The following ST3GAL3 variants were observed in gnomAD, a reference collection of about 807,000 sequenced individuals.
ST3GAL3 encodes ST3 beta-galactoside alpha-2,3-sialyltransferase 3.
Under a neutral mutation model 50.1 loss-of-function variants are expected in ST3GAL3, and 21 were observed. That is an observed-to-expected ratio of 0.42 (90% CI 0.30 to 0.60). The LOEUF (loss-of-function observed/expected upper bound fraction) is 0.60, where lower values mean the gene tolerates loss of function less well. Ranked by LOEUF, ST3GAL3 falls within the 20% of genes least tolerant of loss-of-function variation. ST3GAL3 has a pLI of 0.19. For missense variants in ST3GAL3, 353 were observed against 489.4 expected, an observed-to-expected ratio of 0.72 and a Z score of 2.63; for synonymous variants, 183 against 190.0, an observed-to-expected ratio of 0.96 and a Z score of 0.30.
intron 2 of ST3GAL3, among the ~76,000 whole-genome samples, chr1:43,767,142 A>G (rs1451777621): frequency 2.0e-5 from 3 of 152,236 alleles, no homozygotes; most frequent in Admixed American, 2.0e-4. Context: ...ACCAATAGCC[A>G]CAGCACTTCA....
chr1:43,715,716 A>T (rs1250675130), intron 1 of ST3GAL3, among the ~76,000 whole-genome samples: 2 of 152,148 alleles, frequency 1.3e-5, no homozygotes, highest in African/African-American at 4.8e-5. Flanking sequence ...TGAGCCTAGG[A>T]GGTTGAGGCT....
At chr1:43,894,341 TGTTGC>T (rs2077063612) in intron 5 of ST3GAL3, 37 bp from the exon 6 acceptor site, 9 of 1,594,802 alleles carry the variant, frequency 5.6e-6, no homozygotes, top group Non-Finnish European at 7.7e-6. Context: ...TAATCCAGAC[TGTTGC>T]GTTTTTGTGA....
chr1:43,894,652 T>G (rs1242839523), intron 6 of ST3GAL3, among the ~76,000 whole-genome samples, 175 bp downstream of exon 6: 1 of 151,926 alleles, frequency 6.6e-6, no homozygotes, highest in African/African-American at 2.4e-5. Flanking sequence ...TTTGTTTTTT[T>G]TTTTTGAGAT....
intron 1 of ST3GAL3, among the ~76,000 whole-genome samples, chr1:43,721,688 G>A (rs1261527763): frequency 1.3e-5 from 2 of 151,020 alleles, no homozygotes; most frequent in Non-Finnish European, 3.0e-5. Context: ...TGCCACCTCC[G>A]CCTCCTGGGT....
At chr1:43,857,021 T>C (rs1028773552) in intron 5 of ST3GAL3, among the ~76,000 whole-genome samples, 2 of 152,170 alleles carry the variant, frequency 1.3e-5, no homozygotes, top group Non-Finnish European at 2.9e-5. Flanking sequence ...CAGACCTAGC[T>C]GGTTATAAAT....
At chr1:43,882,950 T>TATTG (rs2154258139) in intron 5 of ST3GAL3, among the ~76,000 whole-genome samples, 1 of 41,706 alleles carries the variant, frequency 2.4e-5, no homozygotes, top group South Asian at 7.3e-4. Flanking sequence ...TTTATTTATT[T>TATTG]ATTTATTTAT....
At chr1:43,740,603 G>C (rs1680441325) in intron 2 of ST3GAL3, among the ~76,000 whole-genome samples, 2 of 152,106 alleles carry the variant, frequency 1.3e-5, no homozygotes, top group Admixed American at 6.6e-5. Flanking sequence ...CCAGGAGTTT[G>C]AGACCAGCCT....
chr1:43,768,118 A>C (rs1024506356), intron 2 of ST3GAL3, among the ~76,000 whole-genome samples: 12 of 152,170 alleles, frequency 7.9e-5, no homozygotes, highest in African/African-American at 2.7e-4. Context: ...CCAAGGAGCA[A>C]GTTTTTTTAA....
chr1:43,830,764 T>C (rs1381605135), intron 4 of ST3GAL3, among the ~76,000 whole-genome samples: 1 of 152,222 alleles, frequency 6.6e-6, no homozygotes, highest in Non-Finnish European at 1.5e-5. Flanking sequence ...TTAGTGGCCC[T>C]CCCTTTCTGT....
At chr1:43,845,503 C>T (rs1047792675) in intron 5 of ST3GAL3, among the ~76,000 whole-genome samples, 2 of 151,960 alleles carry the variant, frequency 1.3e-5, no homozygotes, top group South Asian at 2.1e-4. Context: ...GCCTGATATT[C>T]GTAATTTGCA....
rs540408145 is a variant in ST3GAL3, at chr1:43,908,629, C to CTT, written c.744+8917_744+8918dup. Among the ~76,000 whole-genome samples the CTT allele has an allele frequency of 1.0e-3, 144 of 140,688 alleles. 1 individual carries two copies. The highest frequency in any genetic ancestry group is 3.3e-3 in the African/African-American group (125 of 38,282). 92.3% of individuals were successfully genotyped at this position (140,688 alleles called of 152,430 possible). A position where few individuals can be genotyped will look rare whatever the true frequency, so the allele number is the denominator to read the frequency against. ...CAAGCCTTCCCTTCTCCTTGCCACTCTTTTTTTTTTTTTTTTGAAATGGAG... is the reference window on the plus strand; with the variant it reads ...CAAGCCTTCCCTTCTCCTTGCCACTCTTTTTTTTTTTTTTTTTTGAAATGGAG... On this transcript the variant is annotated intron_variant, in intron 9 of 11. Coordinates refer to ENST00000347631, the MANE Select transcript of ST3GAL3 (RefSeq NM_006279.5).
chr1:43,752,071 C>T (rs532666269), intron 2 of ST3GAL3, among the ~76,000 whole-genome samples: 1 of 152,258 alleles, frequency 6.6e-6, no homozygotes, highest in African/African-American at 2.4e-5. Flanking sequence ...CCTGCCTTGG[C>T]CTCCCTAAGT....
chr1:43,765,794 C>T (rs541274931), intron 2 of ST3GAL3, among the ~76,000 whole-genome samples: 43 of 146,496 alleles, frequency 2.9e-4, no homozygotes, highest in East Asian at 7.8e-4. Flanking sequence ...TGCGCGCGCG[C>T]GCGCGCGTCC....
chr1:43,773,039 G>A (rs1023574544), intron 2 of ST3GAL3, among the ~76,000 whole-genome samples: 10 of 152,152 alleles, frequency 6.6e-5, no homozygotes, highest in African/African-American at 2.2e-4. Context: ...GAGCCACCTC[G>A]CCAGGCCTAT....
intron 2 of ST3GAL3, among the ~76,000 whole-genome samples, chr1:43,791,349 C>T (rs755197099): frequency 2.6e-5 from 4 of 152,128 alleles, no homozygotes; most frequent in African/African-American, 4.8e-5. Flanking sequence ...TTTCTGTTTG[C>T]TGCTGTATCT....
intron 2 of ST3GAL3, among the ~76,000 whole-genome samples, chr1:43,774,537 A>G (rs528072639): frequency 6.6e-6 from 1 of 152,300 alleles, no homozygotes; most frequent in Admixed American, 6.5e-5. Flanking sequence ...GAGAGGAGTC[A>G]AGGCCAAGCG....
chr1:43,717,347 A>G (rs976731976), intron 1 of ST3GAL3, among the ~76,000 whole-genome samples: 1 of 152,194 alleles, frequency 6.6e-6, no homozygotes, highest in Admixed American at 6.5e-5. Flanking sequence ...ATAGTCCAGC[A>G]TAGTTTTTCT....
intron 1 of ST3GAL3, among the ~76,000 whole-genome samples, chr1:43,726,056 A>T (rs2154078150): frequency 6.6e-6 from 1 of 152,204 alleles, no homozygotes; most frequent in East Asian, 1.9e-4. Context: ...ACTCTCATTT[A>T]GATGTTTATT....
chr1:43,764,554 TGAG>T (rs1167591684), intron 2 of ST3GAL3, among the ~76,000 whole-genome samples: 1 of 151,420 alleles, frequency 6.6e-6, no homozygotes, highest in Non-Finnish European at 1.5e-5. Flanking sequence ...AGAAAGGAAA[TGAG>T]GAAGAAGGGA....
Sources: gnomAD v4.1 joint callset for allele counts (sites outside exome capture counted in the v4.1 genomes callset) on GRCh38, gnomAD v4.1.1 for gene constraint, MANE v1.5 for transcripts, NCBI Gene and HGNC (gene_info 2026-07-23, HGNC 2026-07-21) for gene names.